LAMA1: variants seen among roughly 807,000 people sequenced by gnomAD.
LAMA1 encodes the protein laminin subunit alpha 1.
Under a neutral mutation model 348.7 loss-of-function variants are expected in LAMA1, and 219 were observed. That is an observed-to-expected ratio of 0.63 (90% CI 0.56 to 0.70). The LOEUF (loss-of-function observed/expected upper bound fraction) is 0.70. LAMA1 is among the 30% of genes least tolerant of loss of function. The pLI is 0.00. For synonymous variants in LAMA1, 1,487 were observed against 1,491.0 expected, an observed-to-expected ratio of 1.00 and a Z score of 0.06; for missense variants, 3,744 against 3,888.0, an observed-to-expected ratio of 0.96 and a Z score of 0.99.
chr18:6,950,747 C>T (rs1225872256), intron 58 of LAMA1, 35 bp downstream of exon 58: 1 of 1,611,762 alleles, frequency 6.2e-7, no homozygotes. Flanking sequence ...GAACAGAACT[C>T]AGAAGCAGCC....
chr18:6,988,264 G>GCTT (rs2057744061), intron 36 of LAMA1, among the ~76,000 whole-genome samples: 1 of 152,194 alleles, frequency 6.6e-6, no homozygotes, highest in East Asian at 1.9e-4. Context: ...CACTTCATTA[G>GCTT]CTTCTTCTAG....
rs1598310512 is a variant in LAMA1, at chr18:7,082,207, A to G, written c.62-1750T>C. ...TCTGTCAATAAGTCCTTACCCTCTC[A>G]AGATAAAATAGTTATTTAATATTTG... On this transcript the variant is annotated intron_variant, in intron 1 of 62. Transcript: ENST00000389658. 2.0e-5 allele frequency among the ~76,000 whole-genome samples: 3 copies of G among 152,256 alleles called. No homozygotes were observed. The South Asian group carries it at 6.2e-4, about 32-fold the overall frequency.
intron 6 of LAMA1, among the ~76,000 whole-genome samples, chr18:7,045,564 A>C (rs186459477): frequency 6.6e-6 from 1 of 152,014 alleles, no homozygotes; most frequent in African/African-American, 2.4e-5. Context: ...TCTTTTTTTT[A>C]AATTTTTTTA....
At chr18:7,041,156 A>C (rs1489411881) in intron 9 of LAMA1, among the ~76,000 whole-genome samples, 1 of 139,876 alleles carries the variant, frequency 7.1e-6, no homozygotes, top group South Asian at 2.2e-4. Context: ...ACTGTTTTGT[A>C]AAAAAAAAAA....
chr18:7,024,372 C>A lies in LAMA1; in HGVS notation c.2489+8G>T. 5.0e-6 allele frequency: 8 copies of A among 1,610,506 alleles called. No individual in the cohort carries two copies. Among genetic ancestry groups the A allele is most frequent in the Non-Finnish European group, 6.8e-6 (8 of 1,176,908 alleles). On this transcript the variant is annotated splice_region_variant and intron_variant, in intron 18 of 62. Transcript: ENST00000389658. Reference sequence around the variant, plus strand: ...GAAAATGTGTTGAAGCCAGTGGATGCAGAGTACCTCTCACACCAAGCTCCT... The same window carrying A: ...GAAAATGTGTTGAAGCCAGTGGATGAAGAGTACCTCTCACACCAAGCTCCT...
chr18:7,102,082 A>T (rs2058293483), intron 1 of LAMA1, among the ~76,000 whole-genome samples: 2 of 152,270 alleles, frequency 1.3e-5, no homozygotes, highest in South Asian at 4.2e-4. Flanking sequence ...CTTTACCAAT[A>T]ACCATCTTAT....
intron 1 of LAMA1, among the ~76,000 whole-genome samples, chr18:7,096,400 G>A (rs1331896696): frequency 1.3e-5 from 2 of 152,152 alleles, no homozygotes. Flanking sequence ...TTTAGAGCTG[G>A]GCATCGTGGC....
At chr18:7,008,094 T>C (rs1326769495) in intron 28 of LAMA1, among the ~76,000 whole-genome samples, 4 of 152,018 alleles carry the variant, frequency 2.6e-5, no homozygotes, top group African/African-American at 4.8e-5. Flanking sequence ...CATGCATATA[T>C]ATATATCATA....
intron 36 of LAMA1, among the ~76,000 whole-genome samples, chr18:6,990,481 G>C (rs964607366): frequency 6.6e-6 from 1 of 152,134 alleles, no homozygotes; most frequent in African/African-American, 2.4e-5. Flanking sequence ...CCCCACCCAG[G>C]GGCATCGCCT....
chr18:7,021,833 A>ATTTTATATATAATATAT (rs199751950), intron 19 of LAMA1, among the ~76,000 whole-genome samples: 2 of 65,930 alleles, frequency 3.0e-5, no homozygotes, highest in African/African-American at 1.6e-4. Flanking sequence ...TATATAATAT[A>ATTTTATATATAATATAT]ATAATATATT....
At chr18:7,024,257 T>G in intron 18 of LAMA1, 123 bp downstream of exon 18, 1 of 707,660 alleles carries the variant, frequency 1.4e-6, no homozygotes, top group Non-Finnish European at 2.4e-6. Context: ...TTCTCAATGA[T>G]TCTATGAAAT....
intron 8 of LAMA1, 113 bp downstream of exon 8, chr18:7,043,114 G>T: frequency 1.0e-6 from 1 of 983,854 alleles, no homozygotes; most frequent in Non-Finnish European, 1.6e-6. Flanking sequence ...GCATAACAAG[G>T]ATATAAATGA....
chr18:6,960,853 C>T (rs903335571), intron 53 of LAMA1, among the ~76,000 whole-genome samples: 2 of 152,046 alleles, frequency 1.3e-5, no homozygotes, highest in African/African-American at 2.4e-5. Context: ...CACATTTCTT[C>T]CTCAGCAAAA....
At chr18:7,091,307 C>T (rs1471565928) in intron 1 of LAMA1, among the ~76,000 whole-genome samples, 1 of 152,214 alleles carries the variant, frequency 6.6e-6, no homozygotes, top group Non-Finnish European at 1.5e-5. Flanking sequence ...TGAGAAGTCA[C>T]TGTACCTCTC....
In LAMA1 at chr18:6,999,658, T is replaced by C. The variant is rs1416841214; in HGVS notation, c.4470-20A>G. The C allele has an allele frequency of 9.4e-6, 15 of 1,591,706 alleles. No homozygotes were observed. The East Asian group carries it at 2.3e-4, about 24-fold the overall frequency. On this transcript the variant is annotated intron_variant, in intron 31 of 62. Coordinates refer to ENST00000389658, the MANE Select transcript of LAMA1 (RefSeq NM_005559.4). ...GAGCACCTACAGAAAGGAAGGGACATAGGTGCAGACAGGATGGTCAATACC... is the reference window on the plus strand; with the variant it reads ...GAGCACCTACAGAAAGGAAGGGACACAGGTGCAGACAGGATGGTCAATACC...
rs144060384 is a variant in LAMA1 at position 7,034,627 on chromosome 18, G to A, written c.1903C>T (p.Leu635=). 1 of 1,614,154 alleles carries A rather than the reference G, an allele frequency of 6.2e-7. No individual in the cohort carries two copies. Among genetic ancestry groups the A allele is most frequent in the Admixed American group, 1.7e-5 (1 of 60,014 alleles). Residue 635 remains leucine, a synonymous_variant, in exon 14 of 63, where the codon CTA becomes TTA. Coordinates refer to ENST00000389658, the MANE Select transcript of LAMA1 (RefSeq NM_005559.4). ...TCAGGCACAAGTCTAACCACGTTTAGGTACTCTTCATAAGGCTGCAATGAC... is the reference window on the plus strand; with the variant it reads ...TCAGGCACAAGTCTAACCACGTTTAAGTACTCTTCATAAGGCTGCAATGAC... ...GLSLQPYEEY[L]NVVRLVPENF...
At chr18:6,970,244 G>A (rs1481347405) in intron 48 of LAMA1, among the ~76,000 whole-genome samples, 2 of 152,062 alleles carry the variant, frequency 1.3e-5, no homozygotes, top group African/African-American at 4.8e-5. Context: ...TATCATAGCT[G>A]CCAATTACAA....
chr18:6,993,649 C>T lies in LAMA1; in HGVS notation c.5000G>A (p.Ser1667Asn). Residue 1667 changes from serine (S) to asparagine (N), a missense_variant, in exon 35 of 63, where the codon AGC becomes AAC. Around this residue, in one of 3 missense-constraint regions of LAMA1, gnomAD observed 1,983 missense variants for 1,934.3 expected, o/e 1.03. Coordinates refer to ENST00000389658, the MANE Select transcript of LAMA1 (RefSeq NM_005559.4). ...LAIAIERLQM[S>N]ITEIMEKTTL... is the part of the protein sequence containing the mutation. Reference sequence around the variant, plus strand: ...GACACTGCCCACACTACCTGTGATGCTCATCTGCAGCCTCTCAATGGCTAT... The same window carrying T: ...GACACTGCCCACACTACCTGTGATGTTCATCTGCAGCCTCTCAATGGCTAT... 1 of 1,610,048 alleles carries T rather than the reference C, an allele frequency of 6.2e-7. No homozygotes were observed. The highest frequency in any genetic ancestry group is 1.1e-5 in the South Asian group (1 of 91,012).
At chr18:7,070,528 C>A (rs1020462031) in intron 3 of LAMA1, among the ~76,000 whole-genome samples, 2 of 152,166 alleles carry the variant, frequency 1.3e-5, no homozygotes, top group Admixed American at 1.3e-4. Context: ...TCACTCAATA[C>A]TGGTCAATTT....
Sources: gnomAD v4.1 joint callset for allele counts (sites outside exome capture counted in the v4.1 genomes callset) on GRCh38, gnomAD v4.1.1 for gene constraint, gnomAD v4.1.1 regional missense constraint, MANE v1.5 for transcripts, NCBI Gene and HGNC (gene_info 2026-07-23, HGNC 2026-07-21) for gene names.